Variants in ELN observed in about 807,000 individuals in gnomAD.
ELN encodes the protein elastin.
ELN carries 65 observed loss-of-function variants against 105.8 expected under a neutral mutation model. The observed-to-expected ratio is 0.61, with a 90% CI of 0.50 to 0.75. The LOEUF (loss-of-function observed/expected upper bound fraction) is 0.75, where lower values mean the gene tolerates loss of function less well. Among genes scored for constraint, ELN ranks in the 30% least tolerant of loss-of-function variants. The pLI is 0.00. For synonymous variants in ELN, 368 were observed against 389.2 expected (o/e 0.95, Z 0.64); for missense variants, 882 against 969.4 (o/e 0.91, Z 1.20).
At chr7:74,058,872 AG>A (rs1795968978) in intron 22 of ELN, among the ~76,000 whole-genome samples, 1 of 152,136 alleles carries the variant, frequency 6.6e-6, no homozygotes, top group Admixed American at 6.6e-5. Flanking sequence ...TAGGCCAGAG[AG>A]CATTTCGACT....
chr7:74,058,029 TCTC>T (rs1320457930), intron 22 of ELN, among the ~76,000 whole-genome samples: 1 of 151,480 alleles, frequency 6.6e-6, no homozygotes, highest in Non-Finnish European at 1.5e-5. Flanking sequence ...TCTTTCTCCT[TCTC>T]CTTCTTCTTC....
At chr7:74,061,664 G>GAAAAGA (rs1317477000) in intron 26 of ELN, among the ~76,000 whole-genome samples, 11 of 152,000 alleles carry the variant, frequency 7.2e-5, no homozygotes, top group Admixed American at 7.2e-4. Context: ...AAAAAGAAAA[G>GAAAAGA]AAAAGAAAAA....
chr7:74,034,139 G>A (rs943794174), intron 1 of ELN, among the ~76,000 whole-genome samples: 2 of 152,174 alleles, frequency 1.3e-5, no homozygotes, highest in African/African-American at 4.8e-5. Context: ...CGTGTCAGAC[G>A]GCCAGAGCCC....
intron 4 of ELN, among the ~76,000 whole-genome samples, chr7:74,039,348 G>T (rs1011146775): frequency 2.6e-5 from 4 of 152,200 alleles, no homozygotes; most frequent in Non-Finnish European, 5.9e-5. Context: ...CCAGGCAAGG[G>T]GCTGGATTCC....
chr7:74,031,597 G>A (rs1047309540), intron 1 of ELN, among the ~76,000 whole-genome samples: 3 of 151,990 alleles, frequency 2.0e-5, no homozygotes, highest in African/African-American at 4.8e-5. Context: ...CCCAGCAGAA[G>A]TGACATTTGA....
chr7:74,065,264 G>C (rs948191140), intron 29 of ELN, among the ~76,000 whole-genome samples: 1 of 151,824 alleles, frequency 6.6e-6, no homozygotes, highest in African/African-American at 2.4e-5. Context: ...AGGAGAGATG[G>C]GGGGATAGAC....
Position 74,046,183 on chromosome 7 carries a change from T to C in ELN, c.542-5T>C, listed in dbSNP as rs1554672002. ...GGCTGTAGTGACAGCTTTTTATCATTACAGGTGTAGGTGGAGCTTTTGCTG... is the reference window on the plus strand; with the variant it reads ...GGCTGTAGTGACAGCTTTTTATCATCACAGGTGTAGGTGGAGCTTTTGCTG... On this transcript the variant is annotated splice_region_variant and splice_polypyrimidine_tract_variant and intron_variant, in intron 10 of 32. Coordinates refer to ENST00000252034, the MANE Select transcript of ELN (RefSeq NM_000501.4). 1 of 1,614,258 alleles carries C rather than the reference T, an allele frequency of 6.2e-7. No individual in the cohort carries two copies. Among genetic ancestry groups the C allele is most frequent in the Admixed American group, 1.7e-5 (1 of 60,034 alleles).
rs1045053159 is a variant in ELN at position 74,042,450 on chromosome 7, G to A, written c.233-164G>A. 5.9e-5 allele frequency among the ~76,000 whole-genome samples: 9 copies of A among 151,664 alleles called. No individual in the cohort carries two copies. The East Asian group carries it at 7.7e-4, about 13-fold the overall frequency. ...GTCAAAAAAAAAAAAATCCATTACCGGTGAGCAGTGCTCACATGGATGTCC... is the reference window on the plus strand; with the variant it reads ...GTCAAAAAAAAAAAAATCCATTACCAGTGAGCAGTGCTCACATGGATGTCC... On this transcript the variant is annotated intron_variant, in intron 5 of 32. Transcript: ENST00000252034.
At chr7:74,043,418 G>A (rs1198216310) in intron 8 of ELN, 14 of 711,110 alleles carry the variant, frequency 2.0e-5, no homozygotes, top group African/African-American at 8.7e-5. Flanking sequence ...GCTGTCGGGC[G>A]ACAGATGGGG....
chr7:74,029,105 G>GACATGTAGACATGTAC (rs1298600934), intron 1 of ELN, among the ~76,000 whole-genome samples: 19 of 152,304 alleles, frequency 1.2e-4, no homozygotes, highest in African/African-American at 4.6e-4. Context: ...CCACCTGACA[G>GACATGTAGACATGTAC]ACATGTAGAC....
chr7:74,041,038 G>A (rs903126488), intron 4 of ELN, among the ~76,000 whole-genome samples, 178 bp from the exon 5 acceptor site: 2 of 152,140 alleles, frequency 1.3e-5, no homozygotes, highest in African/African-American at 4.8e-5. Context: ...CATAGTAGTC[G>A]CTCACTAAAC....
intron 15 of ELN, among the ~76,000 whole-genome samples, chr7:74,050,112 CCCAT>C (rs1563813066): frequency 1.5e-5 from 2 of 136,490 alleles, no homozygotes; most frequent in Non-Finnish European, 3.2e-5. Context: ...CATCCATCCA[CCCAT>C]CCATCCATTT....
At chr7:74,035,830 TG>T in intron 2 of ELN, 1 of 297,274 alleles carries the variant, frequency 3.4e-6, no homozygotes, top group South Asian at 3.3e-5. Context: ...TCCTAGCTAC[TG>T]GGGAGGCTGA....
Position 74,053,320 on chromosome 7 carries a change from C to CTG in ELN, c.1096+49_1096+50dup, listed in dbSNP as rs10579871. On this transcript the variant is annotated intron_variant, in intron 18 of 32. Coordinates refer to ENST00000252034, the MANE Select transcript of ELN (RefSeq NM_000501.4). The stretch of plus-strand genomic sequence containing the variant: ...GTGCTGCGGTTCCAGGTGAGCTGGG[C>CTG]TGTGTGTGTGTGTGTGTGTGTGTGT... The CTG allele has an allele frequency of 0.11, 174,301 of 1,521,020 alleles. 1,268 individuals carry two copies. Among genetic ancestry groups the CTG allele is most frequent in the Middle Eastern group, 0.14 (633 of 4,374 alleles). The allele number at this position is 1,521,020 out of a possible 1,614,324, so 94.2% of individuals were successfully genotyped here. A position where few individuals can be genotyped will look rare whatever the true frequency, so the allele number is the denominator to read the frequency against.
chr7:74,065,949 G>A lies in ELN; in HGVS notation c.2038G>A (p.Ala680Thr), dbSNP rs1554688860. 6.2e-7 allele frequency: 1 copy of A among 1,614,164 alleles called. No homozygotes were observed. Among genetic ancestry groups the A allele is most frequent in the Non-Finnish European group, 8.5e-7 (1 of 1,180,016 alleles). Reference sequence around the variant, plus strand: ...CCCCACCTGCCTCTTCTCAGGTGCTGCTGGCCTTGGAGGTGTCCTAGGGGG... The same window carrying A: ...CCCCACCTGCCTCTTCTCAGGTGCTACTGGCCTTGGAGGTGTCCTAGGGGG... ...AAAKAAKYGA[A>T]GLGGVLGGAG... Residue 680 changes from alanine to threonine, a missense_variant, in exon 31 of 33, where the codon GCT becomes ACT. Ala to Thr is a moderately conservative substitution (Grantham distance 58, BLOSUM62 0). Coordinates refer to ENST00000252034, the MANE Select transcript of ELN (RefSeq NM_000501.4).
Position 74,057,488 on chromosome 7 carries a change from C to A in ELN, c.1358-152C>A, listed in dbSNP as rs1337377263. The A allele has an allele frequency of 4.4e-6, 7 of 1,577,748 alleles. No individual in the cohort carries two copies. The highest frequency in any genetic ancestry group is 2.6e-6 in the Non-Finnish European group (3 of 1,159,012). On this transcript the variant is annotated intron_variant, in intron 21 of 32. Transcript: ENST00000252034. ...TGCCAGGTGAGCTGTGTCTCCAGCC[C>A]AGAGATGGGTTTGGTTTGTCTCATG... is the stretch of plus-strand genomic sequence containing the variant.
At chr7:74,049,614 C>T (rs1554674712) in intron 15 of ELN, among the ~76,000 whole-genome samples, 1 of 150,968 alleles carries the variant, frequency 6.6e-6, no homozygotes, top group Non-Finnish European at 1.5e-5. Context: ...TCCATCCATC[C>T]TTCCATCCAT....
chr7:74,063,194 G>A lies in ELN; in HGVS notation c.1828G>A (p.Gly610Ser), dbSNP rs140425210. ...GGTCCTTGGAGGGCTCGGGGCTCTC[G>A]GTGGAGTAGGCATCCCAGGCGGTGT... The part of the protein sequence containing the change: ...PGVLGGLGAL[G>S]GVGIPGGVVG... Residue 610 changes from glycine to serine, a missense_variant, in exon 27 of 33, where the codon GGT becomes AGT. Transcript: ENST00000252034. The surrounding 1 kb of genome is among the most constrained non-coding windows in gnomAD (Gnocchi z 4.1). The A allele has an allele frequency of 5.2e-4, 839 of 1,609,756 alleles. 3 individuals are homozygous for A. The African/African-American group carries it at 9.0e-3, about 17-fold the overall frequency.
rs781837780 is a variant in ELN at position 74,065,679 on chromosome 7, G to A, written c.1994-15G>A. On this transcript the variant is annotated splice_polypyrimidine_tract_variant and intron_variant, in intron 29 of 32. Coordinates refer to ENST00000252034, the MANE Select transcript of ELN (RefSeq NM_000501.4). ...CATTGGCATTCCTGAGCCGTCATGT[G>A]CCTCATCTCCCCAGGTATACCTCCA... 1.2e-6 allele frequency: 2 copies of A among 1,612,354 alleles called. No individual in the cohort carries two copies. Among genetic ancestry groups the A allele is most frequent in the Non-Finnish European group, 1.7e-6 (2 of 1,179,842 alleles).
Sources: allele counts gnomAD v4.1 joint callset (sites outside exome capture counted in the v4.1 genomes callset), GRCh38; gene constraint gnomAD v4.1.1; non-coding constraint Gnocchi (gnomAD v3.1); transcripts MANE v1.5; gene names NCBI Gene and HGNC (gene_info 2026-07-23, HGNC 2026-07-21).